The following CCDC7 variants were observed in gnomAD, a reference collection of about 807,000 sequenced individuals.
The protein encoded by CCDC7 is coiled-coil domain containing 7.
In CCDC7, 183 loss-of-function variants were observed where a neutral mutation model predicts 196.9. The ratio of observed to expected loss-of-function variants is 0.93; its 90% CI spans 0.82 to 1.05. CCDC7 has a LOEUF of 1.05. Ranked by LOEUF, CCDC7 falls within the 50% of genes least tolerant of loss-of-function variation. The probability of loss-of-function intolerance (pLI) is 0.00; values close to 1 mark genes in which losing one functional copy is unlikely to be tolerated. For missense variants in CCDC7, 1,540 were observed against 1,482.2 expected (o/e 1.04, Z -0.64); for synonymous variants, 525 against 484.6 (o/e 1.08, Z -1.10).
chr10:32,757,099 A>C (rs2076590835), intron 28 of CCDC7, among the ~76,000 whole-genome samples: 1 of 152,184 alleles, frequency 6.6e-6, no homozygotes, highest in Non-Finnish European at 1.5e-5. Context: ...CAGATTCATA[A>C]AGCAAGTCCT....
chr10:32,474,680 T>TTA (rs1231928769), intron 8 of CCDC7, among the ~76,000 whole-genome samples: 4 of 152,196 alleles, frequency 2.6e-5, no homozygotes, highest in African/African-American at 9.6e-5. Context: ...TTACTAGGAA[T>TTA]TATATCCACA....
intron 32 of CCDC7, among the ~76,000 whole-genome samples, chr10:32,829,534 AT>A (rs1347512753): frequency 6.6e-6 from 1 of 152,210 alleles, no homozygotes; most frequent in Non-Finnish European, 1.5e-5. Context: ...GCATTTAAGT[AT>A]TGTTAACTTT....
intron 28 of CCDC7, among the ~76,000 whole-genome samples, chr10:32,768,973 G>GT (rs960929262): frequency 5.9e-5 from 9 of 152,022 alleles, no homozygotes; most frequent in South Asian, 2.1e-4. Flanking sequence ...TTGGTCTGTA[G>GT]TTTTTTTGTG....
At chr10:32,610,949 T>G (rs567423554) in intron 18 of CCDC7, among the ~76,000 whole-genome samples, 3 of 152,336 alleles carry the variant, frequency 2.0e-5, no homozygotes, top group South Asian at 2.1e-4. Flanking sequence ...GTAATGGGAT[T>G]GCTGGGTCAA....
intron 20 of CCDC7, among the ~76,000 whole-genome samples, chr10:32,646,475 G>A (rs1053499406): frequency 4.6e-5 from 7 of 152,048 alleles, no homozygotes; most frequent in African/African-American, 7.3e-5. Context: ...CATGTGCTAT[G>A]GTGAAGAATG....
intron 28 of CCDC7, among the ~76,000 whole-genome samples, chr10:32,748,514 A>C (rs1424550257): frequency 6.6e-6 from 1 of 152,034 alleles, no homozygotes; most frequent in Non-Finnish European, 1.5e-5. Context: ...GTTAGTGTGC[A>C]TTGTAATATT....
chr10:32,495,689 A>T (rs1204967290), intron 9 of CCDC7, among the ~76,000 whole-genome samples: 2 of 152,164 alleles, frequency 1.3e-5, no homozygotes, highest in Non-Finnish European at 2.9e-5. Flanking sequence ...TTTGTCAAAG[A>T]TCATATGGTT....
In CCDC7 at chr10:32,860,296, G is replaced by C. The variant is rs563868413; in HGVS notation, c.4111+5807G>C. On this transcript the variant is annotated intron_variant, in intron 41 of 41. Coordinates refer to ENST00000639629, the Ensembl canonical transcript of CCDC7. The stretch of plus-strand genomic sequence containing the variant: ...ATAAACATAATCCATCACACAAACA[G>C]AACCAATGACAAAAGCCACATGATT... Among the ~76,000 whole-genome samples the C allele has an allele frequency of 2.0e-4, 31 of 152,220 alleles. 1 individual carries two copies. In the South Asian group the frequency reaches 6.2e-3, roughly 31 times the overall value.
chr10:32,697,226 T>C lies in CCDC7; in HGVS notation c.2458+2234T>C, dbSNP rs540371679. On this transcript the variant is annotated intron_variant, in intron 24 of 41. Transcript: ENST00000639629. ...CCTGGAACCACCCAAGATGGCCGAA[T>C]AGGAACAGCTCCAGGCTACAGCTCC... Among the ~76,000 whole-genome samples, 16 of 152,230 alleles carry C rather than the reference T, an allele frequency of 1.1e-4. No individual in the cohort carries two copies. The South Asian group carries it at 3.1e-3, about 30-fold the overall frequency.
At chr10:32,511,650 T>C in intron 9 of CCDC7, 1 of 1,573,170 alleles carries the variant, frequency 6.4e-7, no homozygotes, top group Non-Finnish European at 8.7e-7. Context: ...GTCTTCAGCA[T>C]CTCATCCACA....
chr10:32,773,827 G>C (rs1024996421), intron 28 of CCDC7, among the ~76,000 whole-genome samples: 4 of 151,996 alleles, frequency 2.6e-5, no homozygotes, highest in African/African-American at 9.7e-5. Context: ...CTTAATACTA[G>C]AACTTAATTA....
chr10:32,599,784 A>T (rs1481746915), intron 18 of CCDC7, among the ~76,000 whole-genome samples: 1 of 152,178 alleles, frequency 6.6e-6, no homozygotes, highest in Non-Finnish European at 1.5e-5. Flanking sequence ...TCCAATATGC[A>T]GGTTCTTAAA....
At chr10:32,509,772 G>A (rs1212729731) in intron 9 of CCDC7, among the ~76,000 whole-genome samples, 1 of 152,046 alleles carries the variant, frequency 6.6e-6, no homozygotes, top group Non-Finnish European at 1.5e-5. Context: ...AATATACATG[G>A]GTATGGGAAA....
intron 24 of CCDC7, among the ~76,000 whole-genome samples, chr10:32,700,762 G>T (rs928461016): frequency 2.0e-5 from 3 of 152,110 alleles, no homozygotes; most frequent in Non-Finnish European, 2.9e-5. Flanking sequence ...CCTTGAAGAG[G>T]TCCTTCACAT....
At chr10:32,490,568 G>T (rs1195506750) in intron 8 of CCDC7, among the ~76,000 whole-genome samples, 1 of 152,126 alleles carries the variant, frequency 6.6e-6, no homozygotes, top group Admixed American at 6.5e-5. Flanking sequence ...AGGCCCAGAC[G>T]GGCTGATCAT....
intron 9 of CCDC7, chr10:32,511,835 G>A (rs1321779163): frequency 1.0e-5 from 8 of 780,630 alleles, no homozygotes; most frequent in Non-Finnish European, 1.7e-5. Flanking sequence ...CGCCACCAGC[G>A]GCGCTTTCCG....
At chr10:32,455,345 C>A (rs1238945912) in intron 2 of CCDC7, among the ~76,000 whole-genome samples, 1 of 151,672 alleles carries the variant, frequency 6.6e-6, no homozygotes, top group Non-Finnish European at 1.5e-5. Context: ...GACAGAGTCT[C>A]GCTGTGTCAC....
At chr10:32,559,740 C>T (rs1307354158) in intron 13 of CCDC7, among the ~76,000 whole-genome samples, 1 of 152,114 alleles carries the variant, frequency 6.6e-6, no homozygotes, top group Non-Finnish European at 1.5e-5. Context: ...AGCAGAAAAA[C>T]TGGAAACTCT....
chr10:32,854,446 T>G, exon 41 of CCDC7: 1 of 1,608,562 alleles, frequency 6.2e-7, no homozygotes, highest in East Asian at 2.2e-5. Context: ...TTGAATTTAC[T>G]CTGCCTACTG....
Sources: gnomAD v4.1 joint callset for allele counts (sites outside exome capture counted in the v4.1 genomes callset) on GRCh38, gnomAD v4.1.1 for gene constraint, MANE v1.5 for transcripts, NCBI Gene and HGNC (gene_info 2026-07-23, HGNC 2026-07-21) for gene names.